EFR3B: variants seen among roughly 807,000 people sequenced by gnomAD.
EFR3B encodes protein EFR3 homolog B.
EFR3B carries 64 observed loss-of-function variants against 104.7 expected under a neutral mutation model. The ratio of observed to expected loss-of-function variants is 0.61; its 90% CI spans 0.50 to 0.75. The LOEUF (loss-of-function observed/expected upper bound fraction) is 0.75. Ranked by LOEUF, EFR3B falls within the 30% of genes least tolerant of loss-of-function variation. The pLI, the probability that EFR3B is intolerant of heterozygous loss-of-function variation, is 0.00. For synonymous variants in EFR3B, 385 were observed against 417.9 expected, an observed-to-expected ratio of 0.92 and a Z score of 0.96; for missense variants, 750 against 1,078.5, an observed-to-expected ratio of 0.70 and a Z score of 4.27.
chr2:25,085,743 G>T (rs1668931795), intron 1 of EFR3B, among the ~76,000 whole-genome samples: 1 of 151,944 alleles, frequency 6.6e-6, no homozygotes, highest in South Asian at 2.1e-4. Flanking sequence ...GGGATTACAG[G>T]TGTGAGCCAC....
chr2:25,134,309 C>T lies in EFR3B; in HGVS notation c.1311+875C>T, dbSNP rs1029914631. On this transcript the variant is annotated intron_variant, in intron 12 of 22. Coordinates refer to ENST00000403714, the MANE Select transcript of EFR3B (RefSeq NM_014971.2). The stretch of plus-strand genomic sequence containing the variant: ...ATTCTTGAGTAGCTGGGATTACAGG[C>T]GCATGCCACCACCACGCCTAGCTAA... Among the ~76,000 whole-genome samples, 4 of 152,048 alleles carry T rather than the reference C, an allele frequency of 2.6e-5. No homozygotes were observed. The East Asian group carries it at 5.8e-4, about 22-fold the overall frequency.
chr2:25,119,110 TACAC>T (rs780800237), intron 4 of EFR3B, among the ~76,000 whole-genome samples: 59 of 152,320 alleles, frequency 3.9e-4, no homozygotes, highest in Middle Eastern at 3.4e-3. Context: ...CATGCAGTCT[TACAC>T]ACACAGGGAG....
chr2:25,090,133 G>A lies in EFR3B; in HGVS notation c.8-1192G>A, dbSNP rs537490638. On this transcript the variant is annotated intron_variant, in intron 1 of 22. Coordinates refer to ENST00000403714, the MANE Select transcript of EFR3B (RefSeq NM_014971.2). ...TGACCTGTAGGCTTAATCTTCCCAC[G>A]GCACATTTGCATTTCAAGTGGTGTG... Among the ~76,000 whole-genome samples, 15 of 152,310 alleles carry A rather than the reference G, an allele frequency of 9.8e-5. No homozygotes were observed. The South Asian group carries it at 3.1e-3, about 32-fold the overall frequency.
chr2:25,066,118 C>T (rs1021664796), intron 1 of EFR3B, among the ~76,000 whole-genome samples: 1 of 152,136 alleles, frequency 6.6e-6, no homozygotes, highest in Non-Finnish European at 1.5e-5. Flanking sequence ...ATCCCCCCAC[C>T]TCCCCACGTC....
At chr2:25,153,572 G>A (rs1283609255) in intron 21 of EFR3B, 140 bp from the exon 22 acceptor site, 1 of 780,480 alleles carries the variant, frequency 1.3e-6, no homozygotes, top group Admixed American at 2.1e-5. Flanking sequence ...ATGAGTGCTG[G>A]AGCGTGTTCA....
chr2:25,139,630 C>CA (rs1329680959), intron 16 of EFR3B, among the ~76,000 whole-genome samples: 1 of 150,290 alleles, frequency 6.7e-6, no homozygotes. Context: ...AAAGGTGGCC[C>CA]GAGTAGAATG....
intron 6 of EFR3B, among the ~76,000 whole-genome samples, chr2:25,128,944 G>C (rs1206306501): frequency 3.3e-5 from 4 of 122,132 alleles, no homozygotes; most frequent in Non-Finnish European, 4.8e-5. Flanking sequence ...CTGGGCGACG[G>C]AGCGAGACTC....
intron 1 of EFR3B, among the ~76,000 whole-genome samples, chr2:25,057,282 T>C (rs1668047281): frequency 6.6e-6 from 1 of 152,192 alleles, no homozygotes; most frequent in African/African-American, 2.4e-5. Flanking sequence ...GCTACAATTC[T>C]TGCTTTGCAT....
chr2:25,153,800 G>T, intron 22 of EFR3B, 39 bp downstream of exon 22: 2 of 1,548,240 alleles, frequency 1.3e-6, no homozygotes, highest in Non-Finnish European at 1.7e-6. Flanking sequence ...TGACCTCCGT[G>T]GCCCAGTATT....
intron 4 of EFR3B, 78 bp from the exon 5 acceptor site, chr2:25,121,595 G>A (rs2276597): frequency 0.21 from 317,009 of 1,525,186 alleles, 36,397 homozygotes; most frequent in Admixed American, 0.44. Context: ...GACCATGGCA[G>A]GGGGTCTGGG....
chr2:25,153,792 A>C (rs1175841223), intron 22 of EFR3B, 31 bp downstream of exon 22: 2 of 1,549,210 alleles, frequency 1.3e-6, no homozygotes, highest in African/African-American at 1.4e-5. Context: ...GGGGACCCTG[A>C]CCTCCGTGGC....
At chr2:25,044,436 A>G (rs1306340306) in intron 1 of EFR3B, among the ~76,000 whole-genome samples, 1 of 152,232 alleles carries the variant, frequency 6.6e-6, no homozygotes, top group Non-Finnish European at 1.5e-5. Context: ...AAAGTGAGTA[A>G]GGAGGTTTGG....
intron 4 of EFR3B, among the ~76,000 whole-genome samples, chr2:25,109,616 C>A (rs553025732): frequency 1.3e-5 from 2 of 152,168 alleles, no homozygotes; most frequent in African/African-American, 4.8e-5. Flanking sequence ...GTAGAAACAA[C>A]CAAAAAGGTC....
chr2:25,147,065 A>G (rs1018437761), intron 19 of EFR3B: 3 of 152,340 alleles, frequency 2.0e-5, no homozygotes, highest in African/African-American at 7.2e-5. Flanking sequence ...GCCACATCTG[A>G]ACCACCCTTC....
chr2:25,044,492 C>T (rs1667664777), intron 1 of EFR3B, among the ~76,000 whole-genome samples: 1 of 152,148 alleles, frequency 6.6e-6, no homozygotes, highest in African/African-American at 2.4e-5. Flanking sequence ...TGCAATTTTC[C>T]TCTTGTTTTA....
intron 21 of EFR3B, among the ~76,000 whole-genome samples, chr2:25,153,381 G>A (rs529076114): frequency 2.0e-5 from 3 of 151,772 alleles, no homozygotes; most frequent in East Asian, 1.9e-4. Context: ...GAAAAGAGCC[G>A]GCACTAGTGC....
intron 12 of EFR3B, 139 bp from the exon 13 acceptor site, chr2:25,135,328 G>A (rs777130521): frequency 2.8e-4 from 273 of 965,034 alleles, no homozygotes; most frequent in Admixed American, 4.2e-4. Flanking sequence ...CTGGGCTGTA[G>A]GGTAGGGGAG....
intron 2 of EFR3B, among the ~76,000 whole-genome samples, chr2:25,092,518 T>C (rs1669157157): frequency 6.6e-6 from 1 of 151,878 alleles, no homozygotes; most frequent in African/African-American, 2.4e-5. Context: ...TGCACACACA[T>C]ATATACATTT....
rs946746402 is a variant in EFR3B, at chr2:25,131,493, C to T, written c.975C>T (p.Thr325=). Reference sequence around the variant, plus strand: ...CGGAAGCCGCGGTCATCGCTGCCACCGGCTCTGTGGGTAAGGGGCATGGCT... The same window carrying T: ...CGGAAGCCGCGGTCATCGCTGCCACTGGCTCTGTGGGTAAGGGGCATGGCT... ...VLSEAAVIAA[T]GSVGPTVLEM... The change falls in exon 9 of 23, where the codon ACC becomes ACT. Residue 325 remains threonine, a synonymous_variant. Transcript: ENST00000403714. This position sits in a 1 kb window ranked among gnomAD's most constrained non-coding sequence, Gnocchi z 7.6. The T allele has an allele frequency of 9.0e-6, 14 of 1,549,488 alleles. No individual in the cohort carries two copies. The East Asian group carries it at 2.7e-4, about 30-fold the overall frequency.
Sources: allele counts gnomAD v4.1 joint callset (sites outside exome capture counted in the v4.1 genomes callset), GRCh38; gene constraint gnomAD v4.1.1; non-coding constraint Gnocchi (gnomAD v3.1); transcripts MANE v1.5; gene names NCBI Gene and HGNC (gene_info 2026-07-23, HGNC 2026-07-21).